Variants in SH2D3C observed in about 807,000 individuals in gnomAD.
SH2D3C encodes the protein SH2 domain containing 3C, also known as SH2 domain-containing protein 3C.
In SH2D3C, 25 loss-of-function variants were observed where a neutral mutation model predicts 75.2. That is an observed-to-expected ratio of 0.33 (90% CI 0.24 to 0.46). The LOEUF is 0.46. Among genes scored for constraint, SH2D3C ranks in the 20% least tolerant of loss-of-function variants. The pLI, the probability that SH2D3C is intolerant of heterozygous loss-of-function variation, is 1.00. For missense variants in SH2D3C, 933 were observed against 1,165.3 expected, an observed-to-expected ratio of 0.80 and a Z score of 2.90; for synonymous variants, 450 against 473.7, an observed-to-expected ratio of 0.95 and a Z score of 0.65.
At chr9:127,768,952 A>C (rs1036400575) in intron 2 of SH2D3C, among the ~76,000 whole-genome samples, 8 of 152,154 alleles carry the variant, frequency 5.3e-5, no homozygotes, top group African/African-American at 1.9e-4. Flanking sequence ...TTCCTCACTG[A>C]GCCTTTCTTT....
In SH2D3C at chr9:127,750,937, G is replaced by A. The variant is rs1028338571; in HGVS notation, c.684+235C>T. Among the ~76,000 whole-genome samples the A allele has an allele frequency of 1.3e-4, 20 of 152,222 alleles. No homozygotes were observed. The East Asian group carries it at 1.9e-3, about 15-fold the overall frequency. ...TTAAACATTTTACCTGCATTATTTC[G>A]TTTAATTTTCACAACACCCCTTTGC... On this transcript the variant is annotated intron_variant, in intron 4 of 11. Transcript: ENST00000314830.
At chr9:127,752,530 C>T (rs918806954) in intron 3 of SH2D3C, among the ~76,000 whole-genome samples, 3 of 152,102 alleles carry the variant, frequency 2.0e-5, no homozygotes, top group Admixed American at 1.3e-4. Flanking sequence ...TGGGGCCCCT[C>T]GCTCCTGAGA....
Position 127,749,468 on chromosome 9 carries a change from G to A in SH2D3C, c.882C>T (p.Pro294=), listed in dbSNP as rs780005189. ...TGCCCACATGATAGCGCACGAGGGCGGGCACGTGGTCAAAGCTCTCCTGCT... is the reference window on the plus strand; with the variant it reads ...TGCCCACATGATAGCGCACGAGGGCAGGCACGTGGTCAAAGCTCTCCTGCT... ...LFEQESFDHV[P]ALVRYHVGSR... Residue 294 remains proline (P), a synonymous_variant, in exon 5 of 12, where the codon CCC becomes CCT. Transcript: ENST00000314830. The surrounding 1 kb of genome is among the most constrained non-coding windows in gnomAD (Gnocchi z 5.9). 4.3e-6 allele frequency: 7 copies of A among 1,614,060 alleles called. No individual in the cohort carries two copies. In the Admixed American group the frequency reaches 6.7e-5, roughly 15 times the overall value.
In SH2D3C at chr9:127,738,463, T is replaced by A. The variant is rs1844750739; in HGVS notation, c.*283A>T. 6.5e-6 allele frequency: 2 copies of A among 306,612 alleles called. No individual in the cohort carries two copies. Among genetic ancestry groups the A allele is most frequent in the African/African-American group, 4.3e-5 (2 of 46,018 alleles). 19.0% of individuals were successfully genotyped at this position (306,612 alleles called of 1,614,324 possible). A position where few individuals can be genotyped will look rare whatever the true frequency, so the allele number is the denominator to read the frequency against. On this transcript the variant is annotated 3_prime_UTR_variant, in exon 12 of 12. Transcript: ENST00000314830. The surrounding 1 kb of genome is among the most constrained non-coding windows in gnomAD (Gnocchi z 5.0). The stretch of plus-strand genomic sequence containing the variant: ...AGTGAGGAGGCGTGAGCAGCCTGCC[T>A]CCCATGGCTCGAAAACAGGGAACCC...
intron 9 of SH2D3C, among the ~76,000 whole-genome samples, chr9:127,741,241 C>CTTTTT (rs71495658): frequency 2.9e-5 from 4 of 137,562 alleles, no homozygotes; most frequent in African/African-American, 8.1e-5. Flanking sequence ...TCTTCTTATT[C>CTTTTT]TTTTTTTTTT....
chr9:127,771,238 C>T (rs1056883512), intron 2 of SH2D3C: 45 of 1,544,476 alleles, frequency 2.9e-5, no homozygotes, highest in Admixed American at 6.0e-5. Context: ...ATGCTTCCCC[C>T]GCTGTCGCCG....
At chr9:127,764,563 A>G (rs938981471) in intron 2 of SH2D3C, among the ~76,000 whole-genome samples, 2 of 151,708 alleles carry the variant, frequency 1.3e-5, no homozygotes, top group African/African-American at 4.8e-5. Context: ...CACTGACCCC[A>G]TGGCCCACCA....
chr9:127,749,489 C>T lies in SH2D3C; in HGVS notation c.861G>A (p.Gln287=), dbSNP rs772221595. 6.2e-7 allele frequency: 1 copy of T among 1,614,214 alleles called. No individual in the cohort carries two copies. ...GGGCGGGCACGTGGTCAAAGCTCTC[C>T]TGCTCAAACAGGTACTGGATGTGTG... ...SYTHIQYLFE[Q]ESFDHVPALV... Residue 287 remains glutamine, a synonymous_variant, in exon 5 of 12, where the codon CAG becomes CAA. Transcript: ENST00000314830. This position sits in a 1 kb window ranked among gnomAD's most constrained non-coding sequence, Gnocchi z 5.9.
intron 2 of SH2D3C, chr9:127,767,197 C>G: frequency 1.3e-6 from 2 of 1,531,088 alleles, no homozygotes; most frequent in Non-Finnish European, 1.7e-6. Context: ...GAGGAGAAGG[C>G]AGAGCAGGGG....
intron 2 of SH2D3C, among the ~76,000 whole-genome samples, chr9:127,763,121 CT>C (rs1304893792): frequency 6.6e-6 from 1 of 152,342 alleles, no homozygotes; most frequent in Admixed American, 6.5e-5. Context: ...GCCTGGAATG[CT>C]CTTCCCCAAG....
intron 10 of SH2D3C, 27 bp downstream of exon 10, chr9:127,740,231 G>A (rs1308898441): frequency 3.1e-6 from 5 of 1,590,592 alleles, no homozygotes; most frequent in Non-Finnish European, 2.6e-6. Context: ...GCTGCAGCCT[G>A]TCCAAGGTCA....
chr9:127,766,985 C>A (rs1845647314), intron 2 of SH2D3C: 1 of 1,536,050 alleles, frequency 6.5e-7, no homozygotes, highest in African/African-American at 1.4e-5. Context: ...GGGTGGAAAG[C>A]CCCGTCTCTG....
chr9:127,749,227 C>A lies in SH2D3C; in HGVS notation c.1123G>T (p.Asp375Tyr). ...CTGGCTGACCTGGTGGGGCAGCCAT[C>A]GCTGCGGGTGACCTTGTCAGCAGTG... Reference protein sequence around the residue: ...GLTADKVTRSDGCPTSTSLPR... With the variant: ...GLTADKVTRSYGCPTSTSLPR... Residue 375 changes from aspartate to tyrosine, a missense_variant, in exon 5 of 12, where the codon GAT (aspartate) becomes TAT (tyrosine). Asp to Tyr is a radical substitution (Grantham distance 160). Coordinates refer to ENST00000314830, the MANE Select transcript of SH2D3C (RefSeq NM_170600.3). This position sits in a 1 kb window ranked among gnomAD's most constrained non-coding sequence, Gnocchi z 5.9. 7.7e-6 allele frequency: 12 copies of A among 1,559,442 alleles called. No individual in the cohort carries two copies. Among genetic ancestry groups the A allele is most frequent in the Non-Finnish European group, 1.0e-5 (12 of 1,150,416 alleles).
rs1844802738 is a variant in SH2D3C, at chr9:127,739,931, C to T, written c.2201-43G>A. ...GCAGGCGCTTAAAGATCCTGTAGTG[C>T]CCCACCATCCACTGCAGTCCTGGAA... is the stretch of plus-strand genomic sequence containing the variant. On this transcript the variant is annotated intron_variant, in intron 10 of 11. Coordinates refer to ENST00000314830, the MANE Select transcript of SH2D3C (RefSeq NM_170600.3). The surrounding 1 kb of genome is among the most constrained non-coding windows in gnomAD (Gnocchi z 4.3). 1 of 1,460,656 alleles carries T rather than the reference C, an allele frequency of 6.8e-7. No individual in the cohort carries two copies. The highest frequency in any genetic ancestry group is 1.4e-5 in the African/African-American group (1 of 71,174). The allele number at this position is 1,460,656 out of a possible 1,614,324, so 90.5% of individuals were successfully genotyped here.
At chr9:127,764,754 C>G (rs1197886290) in intron 2 of SH2D3C, among the ~76,000 whole-genome samples, 1 of 152,186 alleles carries the variant, frequency 6.6e-6, no homozygotes, top group African/African-American at 2.4e-5. Context: ...ATCGCCCAGG[C>G]TGGAGTACAG....
At chr9:127,773,314 T>C (rs756008665) in intron 2 of SH2D3C, among the ~76,000 whole-genome samples, 27 of 152,128 alleles carry the variant, frequency 1.8e-4, no homozygotes, top group Non-Finnish European at 7.4e-5. Context: ...GGTGATGATT[T>C]GCGTGAGGGG....
At chr9:127,755,336 C>G (rs971053340) in intron 3 of SH2D3C, 1 of 686,524 alleles carries the variant, frequency 1.5e-6, no homozygotes, top group Admixed American at 4.9e-5. Flanking sequence ...ACCCTCCAGC[C>G]GGCCAGGGGA....
intron 2 of SH2D3C, among the ~76,000 whole-genome samples, chr9:127,767,905 C>T (rs551621689): frequency 4.1e-4 from 63 of 152,358 alleles, no homozygotes; most frequent in Middle Eastern, 3.4e-3. Flanking sequence ...CCTATCCTCC[C>T]CAGCCCTCAC....
intron 2 of SH2D3C, among the ~76,000 whole-genome samples, chr9:127,765,066 A>G (rs563023646): frequency 1.3e-5 from 2 of 151,764 alleles, no homozygotes; most frequent in Non-Finnish European, 2.9e-5. Context: ...GCTGGGATGC[A>G]GTGGTGAGAT....
Sources: gnomAD v4.1 joint callset for allele counts (sites outside exome capture counted in the v4.1 genomes callset) on GRCh38, gnomAD v4.1.1 for gene constraint, Gnocchi (gnomAD v3.1) non-coding constraint, MANE v1.5 for transcripts, NCBI Gene and HGNC (gene_info 2026-07-23, HGNC 2026-07-21) for gene names.